The following MAP3K7CL variants were observed in gnomAD, a reference collection of about 807,000 sequenced individuals.
The protein encoded by MAP3K7CL is MAP3K7 C-terminal-like protein.
Under a neutral mutation model 18.6 loss-of-function variants are expected in MAP3K7CL, and 16 were observed. The observed-to-expected ratio is 0.86, with a 90% confidence interval of 0.58 to 1.31. The LOEUF is 1.31. MAP3K7CL is among the 50% of genes most tolerant of loss of function. MAP3K7CL has a pLI of 0.00. For missense variants in MAP3K7CL, 163 were observed against 174.4 expected, an observed-to-expected ratio of 0.93 and a Z score of 0.37; for synonymous variants, 65 against 66.8, an observed-to-expected ratio of 0.97 and a Z score of 0.13.
chr21:29,094,722 T>G (rs1259348668), intron 4 of MAP3K7CL, among the ~76,000 whole-genome samples: 1 of 152,152 alleles, frequency 6.6e-6, no homozygotes, highest in East Asian at 1.9e-4. Flanking sequence ...CCAGACTCGG[T>G]GCACAGCCAG....
At chr21:29,089,128 C>G (rs1482395330) in intron 1 of MAP3K7CL, among the ~76,000 whole-genome samples, 1 of 139,012 alleles carries the variant, frequency 7.2e-6, no homozygotes, top group Non-Finnish European at 1.5e-5. Context: ...CGAGATCGCA[C>G]CACTATACTC....
At chr21:29,164,008 G>A (rs1009837506) in intron 4 of MAP3K7CL, among the ~76,000 whole-genome samples, 1 of 151,670 alleles carries the variant, frequency 6.6e-6, no homozygotes, top group African/African-American at 2.4e-5. Context: ...CTGCTAGGAG[G>A]AAAATTGCTC....
chr21:29,101,015 C>CT (rs756025622), intron 4 of MAP3K7CL, among the ~76,000 whole-genome samples: 2,952 of 140,762 alleles, frequency 0.021, 85 homozygotes, highest in African/African-American at 0.066. Context: ...CCCGGTCCCT[C>CT]TTTTTTTTTT....
At chr21:29,164,749 A>AT (rs979220926) in intron 4 of MAP3K7CL, among the ~76,000 whole-genome samples, 23 of 150,594 alleles carry the variant, frequency 1.5e-4, no homozygotes, top group Non-Finnish European at 2.4e-4. Flanking sequence ...ATTTTTACTG[A>AT]TTTTTTTTTT....
chr21:29,085,664 G>A, upstream of MAP3K7CL: 1 of 346,280 alleles, frequency 2.9e-6, no homozygotes, highest in Non-Finnish European at 5.3e-6. Context: ...ATTCATTTAT[G>A]TAGAAAACCT....
At chr21:29,133,055 A>G (rs1334504064) in intron 1 of MAP3K7CL, among the ~76,000 whole-genome samples, 1 of 152,176 alleles carries the variant, frequency 6.6e-6, no homozygotes, top group African/African-American at 2.4e-5. Flanking sequence ...GCAGGTAGAG[A>G]TATTTCCCAT....
intron 2 of MAP3K7CL, among the ~76,000 whole-genome samples, chr21:29,135,073 A>C (rs1422739352): frequency 6.6e-6 from 1 of 151,414 alleles, no homozygotes; most frequent in Non-Finnish European, 1.5e-5. Context: ...AAAAAAACAA[A>C]AAACAAACCA....
At chr21:29,078,648 A>T (rs2085787733) in intron 1 of MAP3K7CL, among the ~76,000 whole-genome samples, 1 of 152,340 alleles carries the variant, frequency 6.6e-6, no homozygotes, top group Middle Eastern at 3.4e-3. Flanking sequence ...GAAGGAGTGG[A>T]TTGAGAGGCC....
At chr21:29,151,901 T>G (rs1393656626) in intron 3 of MAP3K7CL, among the ~76,000 whole-genome samples, 4 of 152,268 alleles carry the variant, frequency 2.6e-5, no homozygotes, top group Non-Finnish European at 5.9e-5. Context: ...GTCTATTTAA[T>G]TATTTTATTC....
chr21:29,101,038 C>A (rs1331509891), intron 4 of MAP3K7CL, among the ~76,000 whole-genome samples: 1 of 147,800 alleles, frequency 6.8e-6, no homozygotes, highest in Non-Finnish European at 1.5e-5. Context: ...TTTAATTAGT[C>A]TGTCACAGGA....
intron 4 of MAP3K7CL, among the ~76,000 whole-genome samples, chr21:29,106,434 A>G (rs1229916552): frequency 6.6e-6 from 1 of 152,058 alleles, no homozygotes; most frequent in African/African-American, 2.4e-5. Flanking sequence ...CGCCTGAAAA[A>G]GGCAGTACTT....
intron 4 of MAP3K7CL, among the ~76,000 whole-genome samples, chr21:29,166,985 G>A (rs546839584): frequency 6.6e-6 from 1 of 152,298 alleles, no homozygotes; most frequent in African/African-American, 2.4e-5. Context: ...CTGCCAGATT[G>A]TTTTCAAACG....
intron 3 of MAP3K7CL, among the ~76,000 whole-genome samples, chr21:29,153,562 C>T (rs2087327865): frequency 6.6e-6 from 1 of 152,160 alleles, no homozygotes; most frequent in African/African-American, 2.4e-5. Flanking sequence ...GATCCTCCCA[C>T]CCCAGCCTCT....
intron 4 of MAP3K7CL, chr21:29,109,730 A>G (rs2086386727): frequency 2.0e-6 from 2 of 985,706 alleles, no homozygotes; most frequent in South Asian, 4.7e-5. Flanking sequence ...ACAAACAGTT[A>G]TATCTCAAGC....
chr21:29,130,047 G>A (rs2086749671), upstream of MAP3K7CL, among the ~76,000 whole-genome samples: 1 of 152,004 alleles, frequency 6.6e-6, no homozygotes, highest in South Asian at 2.1e-4. Context: ...GTATATTTTG[G>A]ATGCCAGTCC....
At position 29,098,460 on chromosome 21, in the gene MAP3K7CL, T is replaced by TA. The variant is rs1289137988; in HGVS notation, c.370+5885dup. Among the ~76,000 whole-genome samples, 17 of 152,250 alleles carry TA rather than the reference T, an allele frequency of 1.1e-4. No homozygotes were observed. The East Asian group carries it at 2.9e-3, about 26-fold the overall frequency. The stretch of plus-strand genomic sequence containing the variant: ...TCCATGGAGCAGCTGGAATGATTTT[T>TA]AAAAAACACGTACTGGTTTTAAATT... On this transcript the variant is annotated intron_variant, in intron 4 of 6. Transcript: ENST00000286791.
chr21:29,082,617 C>T (rs568392063), upstream of MAP3K7CL, among the ~76,000 whole-genome samples: 1 of 152,194 alleles, frequency 6.6e-6, no homozygotes, highest in African/African-American at 2.4e-5. Context: ...TGTGTAAGCA[C>T]CTTGTTAAAT....
upstream of MAP3K7CL, chr21:29,085,010 A>G (rs1455654810): frequency 1.3e-5 from 2 of 152,204 alleles, no homozygotes; most frequent in Non-Finnish European, 2.9e-5. Context: ...AAATTCACAA[A>G]GGAAAAAAAA....
chr21:29,091,629 C>T, intron 2 of MAP3K7CL: 2 of 701,330 alleles, frequency 2.9e-6, no homozygotes, highest in Non-Finnish European at 5.2e-6. Context: ...GCGTGCACCA[C>T]CACATCCAGC....
Sources: allele counts gnomAD v4.1 joint callset (sites outside exome capture counted in the v4.1 genomes callset), GRCh38; gene constraint gnomAD v4.1.1; transcripts MANE v1.5; gene names NCBI Gene and HGNC (gene_info 2026-07-23, HGNC 2026-07-21).